STK31: variants seen among roughly 807,000 people sequenced by gnomAD.
The protein encoded by STK31 is serine/threonine kinase 31.
A neutral mutation model predicts 129.7 loss-of-function variants in STK31; 89 were observed. That is an observed-to-expected ratio of 0.69 (90% CI 0.58 to 0.82). The LOEUF (loss-of-function observed/expected upper bound fraction) is 0.82. Ranked by LOEUF, STK31 falls within the 40% of genes least tolerant of loss-of-function variation. STK31 has a pLI of 0.00. For synonymous variants in STK31, 448 were observed against 395.3 expected (o/e 1.13, Z -1.58); for missense variants, 1,187 against 1,176.4 (o/e 1.01, Z -0.13).
At chr7:23,762,760 C>T (rs1172619367) in intron 10 of STK31, 41 bp from the exon 11 acceptor site, 2 of 1,599,320 alleles carry the variant, frequency 1.3e-6, no homozygotes, top group Admixed American at 1.8e-5. Flanking sequence ...CGGAAAAGAC[C>T]TGATGTATTA....
At chr7:23,801,225 A>C (rs773333927) in intron 22 of STK31, among the ~76,000 whole-genome samples, 4 of 152,078 alleles carry the variant, frequency 2.6e-5, no homozygotes, top group Non-Finnish European at 4.4e-5. Flanking sequence ...TCGTATTGTT[A>C]TTATCTTCTA....
At chr7:23,710,183 G>C (rs1785835116), upstream of STK31, 1 of 1,590,268 alleles carries the variant, frequency 6.3e-7, no homozygotes, top group Non-Finnish European at 8.6e-7. Context: ...GGATGATGGC[G>C]CAGCGCTGTG....
intron 21 of STK31, among the ~76,000 whole-genome samples, chr7:23,788,539 G>A (rs1791433578): frequency 6.6e-6 from 1 of 151,946 alleles, no homozygotes; most frequent in Non-Finnish European, 1.5e-5. Flanking sequence ...TTTAGAAACC[G>A]GGGAACCTTG....
chr7:23,723,499 CT>C (rs1246219004), intron 4 of STK31, among the ~76,000 whole-genome samples: 1 of 152,142 alleles, frequency 6.6e-6, no homozygotes, highest in East Asian at 1.9e-4. Context: ...AGACATACTC[CT>C]TTTCTTCTAT....
chr7:23,752,882 C>A, intron 9 of STK31, 50 bp downstream of exon 9: 1 of 1,228,070 alleles, frequency 8.1e-7, no homozygotes, highest in Non-Finnish European at 1.2e-6. Flanking sequence ...AATTTTTAAT[C>A]AATTGGTGCT....
chr7:23,765,700 G>A (rs981210296), intron 11 of STK31, among the ~76,000 whole-genome samples: 1 of 151,742 alleles, frequency 6.6e-6, no homozygotes, highest in Non-Finnish European at 1.5e-5. Flanking sequence ...AGGATTACAG[G>A]CAGGCCTGGC....
At chr7:23,827,366 C>A (rs1794228436) in intron 23 of STK31, among the ~76,000 whole-genome samples, 1 of 152,236 alleles carries the variant, frequency 6.6e-6, no homozygotes, top group East Asian at 1.9e-4. Flanking sequence ...GTCACTGATA[C>A]CCTTTCTTCC....
At chr7:23,760,647 T>A (rs775556298) in intron 10 of STK31, among the ~76,000 whole-genome samples, 6 of 152,162 alleles carry the variant, frequency 3.9e-5, no homozygotes, top group Admixed American at 3.9e-4. Flanking sequence ...TAGTTGTAAT[T>A]TTTTAAAATT....
intron 12 of STK31, among the ~76,000 whole-genome samples, 194 bp downstream of exon 12, chr7:23,769,368 A>G (rs1434820479): frequency 6.6e-6 from 1 of 150,928 alleles, no homozygotes; most frequent in Non-Finnish European, 1.5e-5. Flanking sequence ...AAAAAATCAT[A>G]TCGGTCTTGT....
intron 5 of STK31, 169 bp downstream of exon 5, chr7:23,727,484 C>A (rs1787154296): frequency 1.7e-6 from 1 of 578,436 alleles, no homozygotes; most frequent in Admixed American, 3.1e-5. Context: ...TTTATAATCA[C>A]CTCAGATTAT....
rs577562011 is a variant in STK31, at chr7:23,749,153, C to T, written c.1018-3564C>T. 1.6e-4 allele frequency among the ~76,000 whole-genome samples: 25 copies of T among 152,240 alleles called. No homozygotes were observed. In the East Asian group the frequency reaches 1.9e-3, roughly 12 times the overall value. On this transcript the variant is annotated intron_variant, in intron 8 of 23. Coordinates refer to ENST00000355870, the MANE Select transcript of STK31 (RefSeq NM_031414.5). ...TTTCCATCTCTTTGCTTACATTGCC[C>T]GTCTGTTGTTACTACATGCTATCTA...
intron 6 of STK31, 129 bp from the exon 7 acceptor site, chr7:23,735,409 A>G: frequency 8.9e-6 from 7 of 783,042 alleles, no homozygotes; most frequent in South Asian, 2.0e-5. Flanking sequence ...TTTGCATATT[A>G]TAGCCAACAG....
At chr7:23,821,619 AT>A in intron 23 of STK31, among the ~76,000 whole-genome samples, 1 of 152,070 alleles carries the variant, frequency 6.6e-6, no homozygotes, top group East Asian at 1.9e-4. Context: ...CACTCTGTTG[AT>A]TATTTCCTTT....
chr7:23,754,293 T>G, intron 9 of STK31, 22 bp from the exon 10 acceptor site: 1 of 1,598,372 alleles, frequency 6.3e-7, no homozygotes, highest in Non-Finnish European at 8.5e-7. Context: ...GATCTTCTTC[T>G]TTTTGATGTT....
chr7:23,735,741 T>A lies in STK31; in HGVS notation c.687T>A (p.Gly229=), dbSNP rs764634256. 3.1e-6 allele frequency: 5 copies of A among 1,613,966 alleles called. No homozygotes were observed. Among genetic ancestry groups the A allele is most frequent in the Non-Finnish European group, 1.7e-6 (2 of 1,180,022 alleles). ...GTGAGGAAAAAAAATTGGATCCTGGTCAACTTGTTCTCAGGAACCTCAAAA... is the reference window on the plus strand; with the variant it reads ...GTGAGGAAAAAAAATTGGATCCTGGACAACTTGTTCTCAGGAACCTCAAAA... ...DICEEKKLDP[G]QLVLRNLKSP... The change falls in exon 7 of 24, where the codon GGT becomes GGA. Residue 229 remains glycine (G), a synonymous_variant. Transcript: ENST00000355870.
In STK31 at chr7:23,817,208, A is replaced by G. The variant is rs7776750; in HGVS notation, c.2829+1996A>G. ...GTCTCAAAAAAAAAAAAATAATAAT[A>G]ATAATCTGCCTGTAATCTGCAAGTA... On this transcript the variant is annotated intron_variant, in intron 23 of 23. Coordinates refer to ENST00000355870, the MANE Select transcript of STK31 (RefSeq NM_031414.5). Among the ~76,000 whole-genome samples the G allele has an allele frequency of 2.4e-3, 366 of 152,102 alleles. 1 individual carries two copies. Among genetic ancestry groups the G allele is most frequent in the African/African-American group, 8.3e-3 (346 of 41,502 alleles).
chr7:23,779,146 T>G lies in STK31; in HGVS notation c.1966-2273T>G, dbSNP rs189723888. On this transcript the variant is annotated intron_variant, in intron 15 of 23. Coordinates refer to ENST00000355870, the MANE Select transcript of STK31 (RefSeq NM_031414.5). ...GCTGGAAGTCCATTGCAGACCCTGT[T>G]TGCCTGGGTATCACCAGTGGAGACT... Among the ~76,000 whole-genome samples the G allele has an allele frequency of 4.1e-3, 629 of 152,318 alleles. 1 individual carries two copies. Among genetic ancestry groups the G allele is most frequent in the African/African-American group, 0.014 (600 of 41,564 alleles).
chr7:23,777,904 T>C (rs1790661246), intron 15 of STK31, among the ~76,000 whole-genome samples: 1 of 152,148 alleles, frequency 6.6e-6, no homozygotes, highest in African/African-American at 2.4e-5. Context: ...ATTTTGCCCA[T>C]TAGTTGATGT....
At chr7:23,824,234 G>A (rs539896362) in intron 23 of STK31, among the ~76,000 whole-genome samples, 21 of 152,298 alleles carry the variant, frequency 1.4e-4, no homozygotes, top group Admixed American at 2.0e-4. Flanking sequence ...CCATGAGCAT[G>A]GAATGTTCTT....
Sources: gnomAD v4.1 joint callset for allele counts (sites outside exome capture counted in the v4.1 genomes callset) on GRCh38, gnomAD v4.1.1 for gene constraint, MANE v1.5 for transcripts, NCBI Gene and HGNC (gene_info 2026-07-23, HGNC 2026-07-21) for gene names.